The following DAG1 variants were observed in gnomAD, a reference collection of about 807,000 sequenced individuals.
DAG1 encodes dystroglycan 1.
In DAG1, 8 loss-of-function variants were observed where a neutral mutation model predicts 46.1. That is an observed-to-expected ratio of 0.17 (90% CI 0.10 to 0.31). DAG1 has a LOEUF of 0.31. Ranked by LOEUF, DAG1 falls within the 10% of genes least tolerant of loss-of-function variation. The pLI, the probability that DAG1 is intolerant of heterozygous loss-of-function variation, is 1.00. For synonymous variants in DAG1, 495 were observed against 481.8 expected, an observed-to-expected ratio of 1.03 and a Z score of -0.36; for missense variants, 1,003 against 1,189.9, an observed-to-expected ratio of 0.84 and a Z score of 2.31.
chr3:49,471,707 G>C (rs954176200), intron 1 of DAG1, among the ~76,000 whole-genome samples: 1 of 152,170 alleles, frequency 6.6e-6, no homozygotes, highest in African/African-American at 2.4e-5. Flanking sequence ...AATCCTCACT[G>C]TTCTTAAAAA....
intron 1 of DAG1, among the ~76,000 whole-genome samples, chr3:49,490,819 C>T (rs1018530677): frequency 1.3e-5 from 2 of 150,724 alleles, no homozygotes; most frequent in Non-Finnish European, 2.9e-5. Context: ...ATCTGCCCTT[C>T]TCAGCCTCCC....
intron 1 of DAG1, among the ~76,000 whole-genome samples, chr3:49,479,456 C>G (rs2049798222): frequency 6.7e-6 from 1 of 150,272 alleles, no homozygotes; most frequent in South Asian, 2.1e-4. Context: ...ACGACAAGTG[C>G]GTGCCACCAC....
intron 1 of DAG1, among the ~76,000 whole-genome samples, chr3:49,481,137 C>T (rs1446768864): frequency 6.7e-6 from 1 of 148,822 alleles, no homozygotes; most frequent in African/African-American, 2.5e-5. Flanking sequence ...CGCCTGTAAT[C>T]CCAGCACTTT....
At chr3:49,472,856 A>C (rs900488676) in intron 1 of DAG1, among the ~76,000 whole-genome samples, 1 of 151,708 alleles carries the variant, frequency 6.6e-6, no homozygotes, top group Non-Finnish European at 1.5e-5. Context: ...GTGGTGGCTC[A>C]CGCCTGTAAT....
chr3:49,529,385 AG>A (rs973237319), intron 2 of DAG1, among the ~76,000 whole-genome samples: 7 of 152,152 alleles, frequency 4.6e-5, no homozygotes, highest in African/African-American at 7.2e-5. Flanking sequence ...ATTAGTTTAA[AG>A]GGGGGAAATT....
At chr3:49,514,573 T>TGATTCTCCTG (rs2050845143) in intron 2 of DAG1, among the ~76,000 whole-genome samples, 1 of 151,366 alleles carries the variant, frequency 6.6e-6, no homozygotes, top group African/African-American at 2.4e-5. Flanking sequence ...CGGGTTCAAA[T>TGATTCTCCTG]GATTCTCCTG....
rs1452566102 is a variant in DAG1 at position 49,532,151 on chromosome 3, G to T, written c.1640G>T (p.Gly547Val). Reference sequence around the variant, plus strand: ...AAACTGCGGGAGCAGCAGCTGGTGGGCGAGAAGTCCTGGGTACAGTTCAAC... The same window carrying T: ...AAACTGCGGGAGCAGCAGCTGGTGGTCGAGAAGTCCTGGGTACAGTTCAAC... The part of the protein sequence containing the change: ...TLKLREQQLV[G>V]EKSWVQFNSN... The change falls in exon 3 of 3, where the codon GGC becomes GTC. Residue 547 changes from glycine (G) to valine (V), a missense_variant. This residue lies in a region of DAG1 where 755 missense variants were observed against 854.1 expected (regional missense o/e 0.88). Coordinates refer to ENST00000308775, the MANE Select transcript of DAG1 (RefSeq NM_004393.6). The surrounding 1 kb of genome is among the most constrained non-coding windows in gnomAD (Gnocchi z 5.4). 2 of 1,614,112 alleles carry T rather than the reference G, an allele frequency of 1.2e-6. No homozygotes were observed. The highest frequency in any genetic ancestry group is 1.3e-5 in the African/African-American group (1 of 74,948).
chr3:49,476,452 G>C (rs778562157), intron 1 of DAG1, among the ~76,000 whole-genome samples: 35 of 152,000 alleles, frequency 2.3e-4, no homozygotes, highest in Admixed American at 5.3e-4. Context: ...TTAGCTGGGC[G>C]TGGTGGCGCA....
chr3:49,512,399 TAATTA>T (rs1337267872), intron 2 of DAG1, among the ~76,000 whole-genome samples: 5 of 151,316 alleles, frequency 3.3e-5, no homozygotes, highest in Non-Finnish European at 1.5e-5. Context: ...TTTAATTAAT[TAATTA>T]ATTTTGAGAT....
intron 2 of DAG1, among the ~76,000 whole-genome samples, chr3:49,521,773 G>A (rs2107776861): frequency 6.6e-6 from 1 of 152,318 alleles, no homozygotes; most frequent in African/African-American, 2.4e-5. Context: ...AGAGACTGAG[G>A]AGTGACCAAA....
In DAG1 at chr3:49,489,134, T is replaced by C. The variant is rs573528930; in HGVS notation, c.-117+18701T>C. 1.5e-4 allele frequency among the ~76,000 whole-genome samples: 22 copies of C among 151,584 alleles called. No individual in the cohort carries two copies. The East Asian group carries it at 4.3e-3, about 30-fold the overall frequency. On this transcript the variant is annotated intron_variant, in intron 1 of 2. Coordinates refer to ENST00000308775, the MANE Select transcript of DAG1 (RefSeq NM_004393.6). ...TTTTGAGACACAGTTTTGCTCTTGT[T>C]GCCCAGGCTGGAGTGCAATGGCGTG...
Position 49,532,299 on chromosome 3 carries a change from C to T in DAG1, c.1788C>T (p.His596=). The T allele has an allele frequency of 6.2e-7, 1 of 1,614,184 alleles. No individual in the cohort carries two copies. The highest frequency in any genetic ancestry group is 1.1e-5 in the South Asian group (1 of 91,090). ...TGGATGCCTTCGAGATCCACGTCCA[C>T]AGGCGCCCCCAAGGGGATAGGGCTC... is the stretch of plus-strand genomic sequence containing the variant. The part of the protein sequence containing the change: ...SAVDAFEIHV[H]RRPQGDRAPA... The change falls in exon 3 of 3, where the codon CAC becomes CAT. Residue 596 remains histidine, a synonymous_variant. Coordinates refer to ENST00000308775, the MANE Select transcript of DAG1 (RefSeq NM_004393.6). This position sits in a 1 kb window ranked among gnomAD's most constrained non-coding sequence, Gnocchi z 5.4.
At chr3:49,519,949 G>A (rs887307958) in intron 2 of DAG1, among the ~76,000 whole-genome samples, 2 of 152,194 alleles carry the variant, frequency 1.3e-5, no homozygotes, top group Non-Finnish European at 2.9e-5. Context: ...GACCAGAAGG[G>A]CATTGACTGG....
Position 49,532,000 on chromosome 3 carries a change from C to A in DAG1, c.1489C>A (p.Pro497Thr), listed in dbSNP as rs376508721. 4 of 1,614,096 alleles carry A rather than the reference C, an allele frequency of 2.5e-6. No individual in the cohort carries two copies. The African/African-American group carries it at 5.3e-5, about 22-fold the overall frequency. Residue 497 changes from proline to threonine, a missense_variant, in exon 3 of 3, where the codon CCA (proline) becomes ACA (threonine). Pro to Thr is a conservative substitution (Grantham distance 38, BLOSUM62 -1). This residue lies in a region of DAG1 where 755 missense variants were observed against 854.1 expected (regional missense o/e 0.88). Coordinates refer to ENST00000308775, the MANE Select transcript of DAG1 (RefSeq NM_004393.6). This position sits in a 1 kb window ranked among gnomAD's most constrained non-coding sequence, Gnocchi z 7.0. ...CCGTGGCGGAGAACCCAACCAGCGC[C>A]CAGAGCTCAAGAACCATATTGACAG... ...VPRGGEPNQR[P>T]ELKNHIDRVD... is the part of the protein sequence containing the mutation.
intron 2 of DAG1, among the ~76,000 whole-genome samples, chr3:49,526,605 T>A (rs1425633461): frequency 6.6e-6 from 1 of 152,126 alleles, no homozygotes; most frequent in Non-Finnish European, 1.5e-5. Context: ...TGGTCCCAGC[T>A]ACTCAGGAGG....
intron 1 of DAG1, among the ~76,000 whole-genome samples, chr3:49,472,170 T>C (rs2049539105): frequency 6.6e-6 from 1 of 151,896 alleles, no homozygotes. Context: ...AAGATATTGC[T>C]GGTGGAGTGG....
intron 1 of DAG1, among the ~76,000 whole-genome samples, chr3:49,484,620 T>G (rs1483574915): frequency 6.6e-6 from 1 of 152,078 alleles, no homozygotes; most frequent in Non-Finnish European, 1.5e-5. Context: ...GGTGGAGGAA[T>G]GTCCTGGCCT....
At position 49,533,518 on chromosome 3, in the gene DAG1, C is replaced by T. The variant is rs1182257781; in HGVS notation, c.*319C>T. ...GAGTGGAGGTGGAGGGAGCGAGGAA[C>T]CATGAATGAACTCGCAGGCAGTGCC... On this transcript the variant is annotated 3_prime_UTR_variant, in exon 3 of 3. Coordinates refer to ENST00000308775, the MANE Select transcript of DAG1 (RefSeq NM_004393.6). 1 of 556,860 alleles carries T rather than the reference C, an allele frequency of 1.8e-6. No homozygotes were observed. Among genetic ancestry groups the T allele is most frequent in the Non-Finnish European group, 3.4e-6 (1 of 296,930 alleles). 34.5% of individuals were successfully genotyped at this position (556,860 alleles called of 1,614,324 possible).
chr3:49,522,257 CCTG>C (rs1216955962), intron 2 of DAG1, among the ~76,000 whole-genome samples: 1 of 152,056 alleles, frequency 6.6e-6, no homozygotes, highest in African/African-American at 2.4e-5. Context: ...GTCTTGAACT[CCTG>C]ACCTCAGGTG....
Sources: gnomAD v4.1 joint callset for allele counts (sites outside exome capture counted in the v4.1 genomes callset) on GRCh38, gnomAD v4.1.1 for gene constraint, gnomAD v4.1.1 regional missense constraint, Gnocchi (gnomAD v3.1) non-coding constraint, MANE v1.5 for transcripts, NCBI Gene and HGNC (gene_info 2026-07-23, HGNC 2026-07-21) for gene names.